Variants in SBF2 observed in about 807,000 individuals in gnomAD.
SBF2 encodes the protein myotubularin-related protein 13.
In SBF2, 112 loss-of-function variants were observed where a neutral mutation model predicts 225.2. The ratio of observed to expected loss-of-function variants is 0.50; its 90% CI spans 0.43 to 0.58. The LOEUF (loss-of-function observed/expected upper bound fraction) is 0.58, where lower values mean the gene tolerates loss of function less well. Among genes scored for constraint, SBF2 ranks in the 20% least tolerant of loss-of-function variants. The pLI, the probability that SBF2 is intolerant of heterozygous loss-of-function variation, is 0.00. For missense variants in SBF2, 1,996 were observed against 2,206.2 expected (o/e 0.90, Z 1.91); for synonymous variants, 763 against 773.3 (o/e 0.99, Z 0.22).
At chr11:9,845,448 G>C (rs1856471109) in intron 24 of SBF2, 117 bp downstream of exon 24, 8 of 965,046 alleles carry the variant, frequency 8.3e-6, no homozygotes, top group Non-Finnish European at 1.3e-5. Context: ...GGGCTTGACA[G>C]AAACAGAACA....
chr11:10,133,868 C>T (rs1565269198), intron 2 of SBF2, among the ~76,000 whole-genome samples: 1 of 152,242 alleles, frequency 6.6e-6, no homozygotes. Flanking sequence ...TGTCACCTCT[C>T]ACTAAGAGCA....
intron 2 of SBF2, among the ~76,000 whole-genome samples, chr11:10,137,222 T>C (rs1256739362): frequency 6.6e-6 from 1 of 152,222 alleles, no homozygotes; most frequent in African/African-American, 2.4e-5. Flanking sequence ...TATACAAAAA[T>C]ACAATTAGTT....
chr11:10,220,531 T>C (rs951123112), intron 1 of SBF2, among the ~76,000 whole-genome samples: 1 of 152,192 alleles, frequency 6.6e-6, no homozygotes, highest in African/African-American at 2.4e-5. Context: ...ACCACTCCCT[T>C]AGGCCTTCAT....
chr11:10,299,337 C>CAAAA lies in SBF2; in HGVS notation n.386+5151_386+5154dup, dbSNP rs5789634. Among the ~76,000 whole-genome samples, 326 of 62,878 alleles carry CAAAA rather than the reference C, an allele frequency of 5.2e-3. 8 individuals are homozygous for CAAAA. The highest frequency in any genetic ancestry group is 7.0e-3 in the Non-Finnish European group (252 of 36,144). 41.3% of individuals were successfully genotyped at this position (62,878 alleles called of 152,430 possible). ...TGGGCAACAGAGCAAGAGTCCATCT[C>CAAAA]AAAAAAAAAAAAAAAAAAAAAGGAA... On this transcript the variant is annotated intron_variant and non_coding_transcript_variant, in intron 1 of 5. Coordinates refer to the SBF2 transcript ENST00000685217.
chr11:9,892,547 AAT>A (rs753773750), intron 17 of SBF2, among the ~76,000 whole-genome samples: 19 of 147,776 alleles, frequency 1.3e-4, no homozygotes, highest in Admixed American at 2.7e-4. Flanking sequence ...CTATCTGGAA[AAT>A]ATATATATAT....
chr11:9,875,143 C>A (rs1859113722), intron 17 of SBF2, among the ~76,000 whole-genome samples: 1 of 152,202 alleles, frequency 6.6e-6, no homozygotes, highest in Non-Finnish European at 1.5e-5. Context: ...ATCATATAGA[C>A]TGGGTCACAA....
intron 1 of SBF2, among the ~76,000 whole-genome samples, chr11:10,245,345 A>C (rs1289535314): frequency 6.6e-6 from 1 of 151,924 alleles, no homozygotes; most frequent in Non-Finnish European, 1.5e-5. Context: ...CAGGAGTTCC[A>C]GACTATAGTG....
chr11:10,160,641 GCTTC>G (rs1399856769), intron 2 of SBF2, among the ~76,000 whole-genome samples: 1 of 152,064 alleles, frequency 6.6e-6, no homozygotes, highest in Non-Finnish European at 1.5e-5. Context: ...TAAAAACTGT[GCTTC>G]CTTTTTCATG....
chr11:10,258,073 C>CACACAT (rs1555098160), intron 1 of SBF2, among the ~76,000 whole-genome samples: 2 of 109,158 alleles, frequency 1.8e-5, no homozygotes, highest in African/African-American at 3.8e-5. Flanking sequence ...GGTATAAATA[C>CACACAT]ACACACATAC....
chr11:9,833,265 A>G (rs1355380720), intron 26 of SBF2, among the ~76,000 whole-genome samples: 1 of 152,236 alleles, frequency 6.6e-6, no homozygotes, highest in Non-Finnish European at 1.5e-5. Context: ...TGATGCTGGG[A>G]AAATAACATG....
At chr11:9,959,462 AG>A in intron 16 of SBF2, 4 of 1,049,094 alleles carry the variant, frequency 3.8e-6, no homozygotes, top group Non-Finnish European at 6.0e-6. Context: ...ATCCGTTTAC[AG>A]GTGTGCCTCA....
intron 7 of SBF2, among the ~76,000 whole-genome samples, chr11:10,001,577 T>G (rs1041726830): frequency 1.3e-5 from 2 of 151,170 alleles, no homozygotes; most frequent in African/African-American, 4.9e-5. Context: ...CAGGCTGGAG[T>G]GTAGTGGTGC....
At chr11:9,990,830 G>A (rs998146518) in intron 12 of SBF2, among the ~76,000 whole-genome samples, 1 of 152,172 alleles carries the variant, frequency 6.6e-6, no homozygotes, top group Non-Finnish European at 1.5e-5. Flanking sequence ...CAGAGTCAAC[G>A]ACTTTGGGAG....
At chr11:10,071,083 A>G (rs1187377418) in intron 2 of SBF2, among the ~76,000 whole-genome samples, 1 of 152,082 alleles carries the variant, frequency 6.6e-6, no homozygotes, top group Non-Finnish European at 1.5e-5. Flanking sequence ...TGTTTTCTAA[A>G]TATACAATAT....
At chr11:9,817,831 G>T (rs933667910) in intron 28 of SBF2, among the ~76,000 whole-genome samples, 1 of 152,030 alleles carries the variant, frequency 6.6e-6, no homozygotes, top group Non-Finnish European at 1.5e-5. Context: ...TGGAGGTGGA[G>T]GTTGCAGTGA....
At chr11:9,942,012 C>G (rs114621216) in intron 16 of SBF2, among the ~76,000 whole-genome samples, 1 of 152,120 alleles carries the variant, frequency 6.6e-6, no homozygotes, top group Non-Finnish European at 1.5e-5. Context: ...GTAACAACAA[C>G]AAAACAGGGC....
chr11:9,899,027 T>C (rs1158887636), intron 16 of SBF2, among the ~76,000 whole-genome samples: 1 of 150,830 alleles, frequency 6.6e-6, no homozygotes, highest in Admixed American at 6.7e-5. Flanking sequence ...TGTTACATGC[T>C]TTAGAGGAAG....
At chr11:10,008,999 G>C (rs1382719991) in intron 6 of SBF2, among the ~76,000 whole-genome samples, 1 of 152,168 alleles carries the variant, frequency 6.6e-6, no homozygotes, top group East Asian at 1.9e-4. Context: ...CTATCTGGGG[G>C]AACTGTCTTT....
chr11:9,861,872 G>C (rs1480306548), intron 17 of SBF2, among the ~76,000 whole-genome samples: 6 of 152,082 alleles, frequency 3.9e-5, no homozygotes, highest in Admixed American at 1.3e-4. Context: ...AGTTGAATAT[G>C]CAAAAACTAA....
Sources: allele counts gnomAD v4.1 joint callset (sites outside exome capture counted in the v4.1 genomes callset), GRCh38; gene constraint gnomAD v4.1.1; transcripts MANE v1.5; gene names NCBI Gene and HGNC (gene_info 2026-07-23, HGNC 2026-07-21).